OPCML: variants seen among roughly 807,000 people sequenced by gnomAD.
OPCML encodes opioid-binding protein/cell adhesion molecule.
In OPCML, 13 loss-of-function variants were observed where a neutral mutation model predicts 37.8. That is an observed-to-expected ratio of 0.34 (90% confidence interval 0.22 to 0.55). OPCML has a LOEUF of 0.55. Ranked by LOEUF, OPCML falls within the 20% of genes least tolerant of loss-of-function variation. The pLI is 0.91. For synonymous variants in OPCML, 176 were observed against 168.8 expected (o/e 1.04, Z -0.33); for missense variants, 341 against 435.6 (o/e 0.78, Z 1.93).
At chr11:133,076,658 C>T (rs879693352) in intron 1 of OPCML, among the ~76,000 whole-genome samples, 37 of 152,206 alleles carry the variant, frequency 2.4e-4, no homozygotes, top group Middle Eastern at 3.4e-3. Context: ...GACACCCCAC[C>T]CCCCGCATAG....
intron 3 of OPCML, among the ~76,000 whole-genome samples, chr11:132,596,448 T>G (rs192436148): frequency 6.6e-6 from 1 of 152,202 alleles, no homozygotes; most frequent in African/African-American, 2.4e-5. Context: ...AAACATCTCT[T>G]AATTTTTTTG....
chr11:132,570,822 A>T (rs1565674442), intron 3 of OPCML, among the ~76,000 whole-genome samples: 1 of 107,804 alleles, frequency 9.3e-6, no homozygotes, highest in Non-Finnish European at 1.9e-5. Context: ...GAGAGAGAGG[A>T]TATATACTTT....
At chr11:132,837,383 A>G (rs1031487606) in intron 2 of OPCML, among the ~76,000 whole-genome samples, 1 of 152,108 alleles carries the variant, frequency 6.6e-6, no homozygotes, top group African/African-American at 2.4e-5. Flanking sequence ...AAGAGAAGAG[A>G]CTTTCAGTGG....
chr11:133,233,913 C>A (rs1286968382), intron 1 of OPCML, among the ~76,000 whole-genome samples: 1 of 152,160 alleles, frequency 6.6e-6, no homozygotes, highest in Non-Finnish European at 1.5e-5. Context: ...CCTGCCCAGA[C>A]CAATTGACCA....
chr11:132,735,980 C>T (rs547168751), intron 2 of OPCML, among the ~76,000 whole-genome samples: 58 of 152,220 alleles, frequency 3.8e-4, no homozygotes, highest in Middle Eastern at 3.4e-3. Flanking sequence ...AGAGCCCAGA[C>T]GACAGAGCTA....
chr11:133,425,199 A>G (rs1465359755), intron 1 of OPCML, among the ~76,000 whole-genome samples: 1 of 152,232 alleles, frequency 6.6e-6, no homozygotes, highest in African/African-American at 2.4e-5. Flanking sequence ...GCCCAGTCCC[A>G]GTCAGACCTC....
At chr11:132,931,034 T>C (rs1945181337) in intron 2 of OPCML, among the ~76,000 whole-genome samples, 2 of 152,032 alleles carry the variant, frequency 1.3e-5, no homozygotes, top group African/African-American at 2.4e-5. Context: ...AAATTACTTT[T>C]AACAAGGATA....
intron 3 of OPCML, among the ~76,000 whole-genome samples, chr11:132,584,418 G>T (rs1457938609): frequency 6.6e-6 from 1 of 152,082 alleles, no homozygotes; most frequent in Non-Finnish European, 1.5e-5. Flanking sequence ...TTATTTGAAG[G>T]TCAATTATTC....
chr11:132,888,645 CT>C (rs148592027), intron 2 of OPCML, among the ~76,000 whole-genome samples: 1 of 151,970 alleles, frequency 6.6e-6, no homozygotes, highest in South Asian at 2.1e-4. Flanking sequence ...GTTTGTTTGG[CT>C]TTTTTTTGGC....
chr11:132,467,647 A>G (rs1299215757), intron 4 of OPCML, among the ~76,000 whole-genome samples: 1 of 152,206 alleles, frequency 6.6e-6, no homozygotes, highest in Non-Finnish European at 1.5e-5. Flanking sequence ...GGGTATGCTC[A>G]CTGGAGAATA....
intron 1 of OPCML, among the ~76,000 whole-genome samples, chr11:133,498,065 G>A (rs1029061136): frequency 6.6e-5 from 10 of 152,316 alleles, no homozygotes; most frequent in Non-Finnish European, 7.4e-5. Context: ...TGTGAGGGCC[G>A]GGGGCCAAGG....
intron 1 of OPCML, among the ~76,000 whole-genome samples, chr11:133,501,611 C>A (rs1947916683): frequency 6.6e-6 from 1 of 152,120 alleles, no homozygotes; most frequent in African/African-American, 2.4e-5. Context: ...CCCCAATTGG[C>A]TTGATAAGGA....
At chr11:133,093,295 TA>T (rs1357408046) in intron 1 of OPCML, among the ~76,000 whole-genome samples, 7 of 151,724 alleles carry the variant, frequency 4.6e-5, no homozygotes, top group African/African-American at 1.5e-4. Context: ...TTCTTTTTTT[TA>T]AAATTTACTT....
intron 1 of OPCML, among the ~76,000 whole-genome samples, chr11:133,364,159 C>G (rs1356267263): frequency 6.6e-6 from 1 of 152,178 alleles, no homozygotes; most frequent in Non-Finnish European, 1.5e-5. Context: ...AAACAGCAGT[C>G]CTTTGTAAAG....
At chr11:132,715,059 A>G (rs375503035) in intron 2 of OPCML, among the ~76,000 whole-genome samples, 1 of 152,174 alleles carries the variant, frequency 6.6e-6, no homozygotes, top group East Asian at 1.9e-4. Flanking sequence ...AAGGGAGGGC[A>G]GGCAGCTCTC....
At chr11:133,096,997 C>G (rs566711414) in intron 1 of OPCML, among the ~76,000 whole-genome samples, 35 of 152,156 alleles carry the variant, frequency 2.3e-4, no homozygotes, top group African/African-American at 6.7e-4. Context: ...ATCCAGCAGG[C>G]AGAAAATCAG....
intron 1 of OPCML, among the ~76,000 whole-genome samples, chr11:133,314,398 TG>T (rs1377693382): frequency 6.6e-6 from 1 of 151,918 alleles, no homozygotes; most frequent in Non-Finnish European, 1.5e-5. Flanking sequence ...TGGAACCAAT[TG>T]TAAACATTTC....
At chr11:133,167,402 C>G (rs1405559221) in intron 1 of OPCML, among the ~76,000 whole-genome samples, 3 of 152,158 alleles carry the variant, frequency 2.0e-5, no homozygotes, top group Non-Finnish European at 4.4e-5. Flanking sequence ...TTGCCGAACT[C>G]CATTGAATTC....
chr11:133,073,320 T>C (rs1403323659), intron 1 of OPCML, among the ~76,000 whole-genome samples: 2 of 152,120 alleles, frequency 1.3e-5, no homozygotes, highest in Non-Finnish European at 2.9e-5. Flanking sequence ...CATGGCAGCA[T>C]TGGCTGGAAT....
Sources: allele counts gnomAD v4.1 joint callset (sites outside exome capture counted in the v4.1 genomes callset), GRCh38; gene constraint gnomAD v4.1.1; transcripts MANE v1.5; gene names NCBI Gene and HGNC (gene_info 2026-07-23, HGNC 2026-07-21).